The following HSD17B4 variants were observed in gnomAD, a reference collection of about 807,000 sequenced individuals.
HSD17B4 encodes hydroxysteroid 17-beta dehydrogenase 4.
Under a neutral mutation model 101.0 loss-of-function variants are expected in HSD17B4, and 70 were observed. The observed-to-expected ratio is 0.69, with a 90% CI of 0.57 to 0.85. The LOEUF is 0.85. HSD17B4 is among the 40% of genes least tolerant of loss of function. HSD17B4 has a pLI of 0.00. For synonymous variants in HSD17B4, 347 were observed against 297.1 expected (o/e 1.17, Z -1.73); for missense variants, 984 against 892.4 (o/e 1.10, Z -1.31).
chr5:119,536,643 A>G, intron 23 of HSD17B4, 93 bp downstream of exon 23: 2 of 1,196,398 alleles, frequency 1.7e-6, no homozygotes, highest in Non-Finnish European at 2.5e-6. Context: ...TCTGATTTAT[A>G]AGCCAGGTTT....
intron 4 of HSD17B4, 150 bp from the exon 5 acceptor site, chr5:119,475,556 T>C: frequency 1.5e-6 from 1 of 646,314 alleles, no homozygotes; most frequent in Non-Finnish European, 2.7e-6. Flanking sequence ...TTGATATAGG[T>C]ATAGACTTTT....
At chr5:119,497,705 A>T (rs1372910275) in intron 12 of HSD17B4, among the ~76,000 whole-genome samples, 1 of 152,202 alleles carries the variant, frequency 6.6e-6, no homozygotes, top group African/African-American at 2.4e-5. Flanking sequence ...CATACAAAAA[A>T]ATTATTTTCT....
At chr5:119,490,399 A>G (rs73249951) in intron 9 of HSD17B4, among the ~76,000 whole-genome samples, 11,507 of 152,210 alleles carry the variant, frequency 0.076, 1,104 homozygotes, top group East Asian at 0.42. Context: ...GTTTATTACT[A>G]ACTTTGTGAA....
At chr5:119,457,773 T>G (rs1460879580) in intron 2 of HSD17B4, among the ~76,000 whole-genome samples, 6 of 152,250 alleles carry the variant, frequency 3.9e-5, no homozygotes, top group African/African-American at 1.4e-4. Context: ...TTGTTTTATC[T>G]TTTGTATCTA....
At chr5:119,489,536 A>C (rs564835310) in intron 9 of HSD17B4, among the ~76,000 whole-genome samples, 2 of 152,098 alleles carry the variant, frequency 1.3e-5, no homozygotes, top group East Asian at 1.9e-4. Flanking sequence ...AAATGTGGGG[A>C]ATTTCATTAT....
intron 17 of HSD17B4, among the ~76,000 whole-genome samples, chr5:119,524,675 C>T (rs1753416145): frequency 6.6e-6 from 1 of 152,112 alleles, no homozygotes; most frequent in South Asian, 2.1e-4. Context: ...AATCTGGACT[C>T]AGCAGAACTT....
intron 19 of HSD17B4, among the ~76,000 whole-genome samples, chr5:119,526,695 C>T (rs547177379): frequency 6.6e-6 from 1 of 151,634 alleles, no homozygotes; most frequent in African/African-American, 2.4e-5. Flanking sequence ...TTTTATTATC[C>T]AGTAATATAT....
intron 17 of HSD17B4, among the ~76,000 whole-genome samples, chr5:119,522,384 T>C (rs1490654340): frequency 1.3e-5 from 2 of 152,206 alleles, no homozygotes; most frequent in African/African-American, 2.4e-5. Flanking sequence ...TGAGTAGTGC[T>C]GCAATAAACA....
At chr5:119,461,877 G>A (rs1342847941) in intron 2 of HSD17B4, among the ~76,000 whole-genome samples, 1 of 152,094 alleles carries the variant, frequency 6.6e-6, no homozygotes, top group Non-Finnish European at 1.5e-5. Context: ...GTGATACCCT[G>A]TCTCAAGAAA....
intron 9 of HSD17B4, among the ~76,000 whole-genome samples, chr5:119,491,499 C>G (rs1019169000): frequency 2.3e-5 from 3 of 132,294 alleles, no homozygotes; most frequent in Non-Finnish European, 4.8e-5. Context: ...CTTGAATGAC[C>G]TCTAGAAAAA....
chr5:119,525,463 T>C (rs1366480045), intron 18 of HSD17B4, among the ~76,000 whole-genome samples, 178 bp downstream of exon 18: 1 of 152,190 alleles, frequency 6.6e-6, no homozygotes, highest in East Asian at 1.9e-4. Flanking sequence ...CAGAAAATAG[T>C]GCACTTGAAA....
Position 119,476,391 on chromosome 5 carries a change from C to T in HSD17B4, c.349+521C>T, listed in dbSNP as rs142115163. The T allele has an allele frequency of 2.6e-3, 436 of 170,234 alleles. 1 individual carries two copies. Among genetic ancestry groups the T allele is most frequent in the African/African-American group, 9.6e-3 (403 of 41,826 alleles). 10.5% of individuals were successfully genotyped at this position (170,234 alleles called of 1,614,324 possible). A position where few individuals can be genotyped will look rare whatever the true frequency, so the allele number is the denominator to read the frequency against. ...TTGAGTTTAGATAATGAACAAATCA[C>T]AGTTAAGAATTTTTTTTTTCTTTTG... On this transcript the variant is annotated intron_variant, in intron 6 of 23. Coordinates refer to ENST00000510025, the MANE Select transcript of HSD17B4 (RefSeq NM_000414.4).
At chr5:119,541,495 C>T (rs374638281) in intron 23 of HSD17B4, among the ~76,000 whole-genome samples, 1 of 152,124 alleles carries the variant, frequency 6.6e-6, no homozygotes, top group East Asian at 1.9e-4. Context: ...CATTTCGTGG[C>T]TTTCTAGTTC....
chr5:119,519,607 A>G (rs1358992378), intron 17 of HSD17B4, among the ~76,000 whole-genome samples: 1 of 152,172 alleles, frequency 6.6e-6, no homozygotes, highest in African/African-American at 2.4e-5. Flanking sequence ...TCTAAAGTGA[A>G]CTGCTGATCA....
intron 2 of HSD17B4, among the ~76,000 whole-genome samples, chr5:119,459,451 A>G (rs575219512): frequency 6.6e-6 from 1 of 152,354 alleles, no homozygotes; most frequent in South Asian, 2.1e-4. Flanking sequence ...GACTCAAGGC[A>G]CATCCTAGCC....
chr5:119,536,551 G>T lies in HSD17B4; in HGVS notation c.2121+1G>T. The T allele has an allele frequency of 6.2e-7, 1 of 1,611,524 alleles. No individual in the cohort carries two copies. Among genetic ancestry groups the T allele is most frequent in the Non-Finnish European group, 8.5e-7 (1 of 1,178,024 alleles). On this transcript the variant is annotated splice_donor_variant, in intron 23 of 23. Coordinates refer to ENST00000510025, the MANE Select transcript of HSD17B4 (RefSeq NM_000414.4). LOFTEE classifies it high-confidence loss of function. ...CCTGGGCAAGCTTGACCCTCAGAAG[G>T]TAATGTTCTCAAATGTTCATTTATT...
intron 17 of HSD17B4, among the ~76,000 whole-genome samples, chr5:119,524,803 G>C (rs367603212): frequency 6.6e-6 from 1 of 152,052 alleles, no homozygotes; most frequent in African/African-American, 2.4e-5. Context: ...TTCTATGTCC[G>C]ATATTGTCTT....
chr5:119,507,610 C>T (rs1364566866), intron 15 of HSD17B4, among the ~76,000 whole-genome samples: 2 of 151,544 alleles, frequency 1.3e-5, no homozygotes, highest in Non-Finnish European at 2.9e-5. Context: ...GGTGAAACCC[C>T]GTCTCTACTT....
At chr5:119,493,085 G>C (rs1750262350) in intron 10 of HSD17B4, 1 of 152,086 alleles carries the variant, frequency 6.6e-6, no homozygotes, top group South Asian at 2.1e-4. Flanking sequence ...AGCTATATCT[G>C]GCACTTTATC....
Sources: gnomAD v4.1 joint callset for allele counts (sites outside exome capture counted in the v4.1 genomes callset) on GRCh38, gnomAD v4.1.1 for gene constraint, MANE v1.5 for transcripts, NCBI Gene and HGNC (gene_info 2026-07-23, HGNC 2026-07-21) for gene names.